Variants in GFPT2 observed in about 807,000 individuals in gnomAD.
GFPT2 encodes glutamine--fructose-6-phosphate aminotransferase [isomerizing] 2.
GFPT2 carries 62 observed loss-of-function variants against 85.6 expected under a neutral mutation model. The observed-to-expected ratio is 0.72, with a 90% CI of 0.59 to 0.90. The LOEUF (loss-of-function observed/expected upper bound fraction) is 0.90. GFPT2 is among the 40% of genes least tolerant of loss of function. The pLI, the probability that GFPT2 is intolerant of heterozygous loss-of-function variation, is 0.00. For synonymous variants in GFPT2, 368 were observed against 344.5 expected (o/e 1.07, Z -0.75); for missense variants, 788 against 893.4 (o/e 0.88, Z 1.50).
intron 1 of GFPT2, among the ~76,000 whole-genome samples, chr5:180,347,388 G>A (rs1487881055): frequency 1.3e-5 from 2 of 152,182 alleles, no homozygotes; most frequent in Non-Finnish European, 2.9e-5. Context: ...TGTGCCCTGT[G>A]GTCACCCACC....
At chr5:180,321,055 T>A (rs1024352329) in intron 9 of GFPT2, among the ~76,000 whole-genome samples, 8 of 152,270 alleles carry the variant, frequency 5.3e-5, no homozygotes, top group Non-Finnish European at 1.0e-4. Context: ...AGTGTACAAA[T>A]AACTTCGTAT....
Position 180,316,790 on chromosome 5 carries a change from C to G in GFPT2, c.1126G>C (p.Gly376Arg), listed in dbSNP as rs551996108. Reference sequence around the variant, plus strand: ...GCCACGGCAGCGTGGTAGCTGGTTCCACAGCCAATCACGATGAGCCGTCGG... The same window carrying G: ...GCCACGGCAGCGTGGTAGCTGGTTCGACAGCCAATCACGATGAGCCGTCGG... ...RCRRLIVIGCGTSYHAAVATR... is the reference protein window; with the variant it reads ...RCRRLIVIGCRTSYHAAVATR... The change falls in exon 12 of 19, where the codon GGA becomes CGA. Residue 376 changes from glycine (G) to arginine (R), a missense_variant. Physicochemically the swap from Gly to Arg is moderately radical, Grantham distance 125. Transcript: ENST00000253778. 1 of 1,613,706 alleles carries G rather than the reference C, an allele frequency of 6.2e-7. No homozygotes were observed. Among genetic ancestry groups the G allele is most frequent in the South Asian group, 1.1e-5 (1 of 91,050 alleles).
At chr5:180,315,080 T>C (rs1465418050) in intron 13 of GFPT2, among the ~76,000 whole-genome samples, 1 of 152,136 alleles carries the variant, frequency 6.6e-6, no homozygotes, top group Non-Finnish European at 1.5e-5. Flanking sequence ...GTATTTAAAA[T>C]GGAAAATGGC....
At position 180,330,207 on chromosome 5, in the gene GFPT2, G is replaced by A. The variant is rs1561880032; in HGVS notation, c.534+493C>T. Among the ~76,000 whole-genome samples the A allele has an allele frequency of 6.6e-6, 1 of 152,162 alleles. No homozygotes were observed. The stretch of plus-strand genomic sequence containing the variant: ...GTGGTGGTGCGTGCCTGTAGTCTCA[G>A]CTAACTCAGGAGGCTGAGGCAGGAG... On this transcript the variant is annotated intron_variant, in intron 6 of 18. Coordinates refer to ENST00000253778, the MANE Select transcript of GFPT2 (RefSeq NM_005110.4). The surrounding 1 kb of genome is among the most constrained non-coding windows in gnomAD (Gnocchi z 4.4).
At chr5:180,339,051 C>T (rs1053048952) in intron 1 of GFPT2, among the ~76,000 whole-genome samples, 1 of 152,138 alleles carries the variant, frequency 6.6e-6, no homozygotes, top group African/African-American at 2.4e-5. Context: ...CTTCCACGGT[C>T]CCCTTCTCCG....
Position 180,331,556 on chromosome 5 carries a change from G to C in GFPT2, c.341-3C>G, listed in dbSNP as rs1764301083. The C allele has an allele frequency of 6.5e-7, 1 of 1,549,510 alleles. No individual in the cohort carries two copies. Among genetic ancestry groups the C allele is most frequent in the Admixed American group, 1.7e-5 (1 of 59,894 alleles). ...CCCATTGTGGATGACAACAAATTCT[G>C]AAAGAAAAGTTAAGAGAGAAATGCT... is the stretch of plus-strand genomic sequence containing the variant. On this transcript the variant is annotated splice_region_variant and splice_polypyrimidine_tract_variant and intron_variant, in intron 4 of 18. Coordinates refer to ENST00000253778, the MANE Select transcript of GFPT2 (RefSeq NM_005110.4).
At chr5:180,316,199 G>T (rs1764004981) in intron 13 of GFPT2, 142 bp downstream of exon 13, 1 of 787,570 alleles carries the variant, frequency 1.3e-6, no homozygotes, top group Non-Finnish European at 2.0e-6. Flanking sequence ...GTAATCCATG[G>T]CTCTACGGGT....
At chr5:180,334,582 G>C (rs1318645362) in intron 4 of GFPT2, among the ~76,000 whole-genome samples, 1 of 152,226 alleles carries the variant, frequency 6.6e-6, no homozygotes, top group African/African-American at 2.4e-5. Flanking sequence ...GATGTATTTG[G>C]TCCTATCTAA....
At chr5:180,316,101 C>T (rs58821651) in intron 13 of GFPT2, among the ~76,000 whole-genome samples, 4 of 152,300 alleles carry the variant, frequency 2.6e-5, no homozygotes, top group African/African-American at 9.6e-5. Flanking sequence ...GAAAGACTAA[C>T]GTGCGTGGAT....
chr5:180,340,992 C>G (rs1016564350), intron 1 of GFPT2, among the ~76,000 whole-genome samples: 2 of 152,116 alleles, frequency 1.3e-5, no homozygotes, highest in Non-Finnish European at 2.9e-5. Context: ...CTGAGAAGTC[C>G]CTGTGGGCCG....
intron 16 of GFPT2, 88 bp downstream of exon 16, chr5:180,307,088 C>T: frequency 8.7e-7 from 1 of 1,149,822 alleles, no homozygotes; most frequent in Non-Finnish European, 1.3e-6. Context: ...CCTCCCCAAG[C>T]CCAACGCCCT....
chr5:180,302,333 T>C, intron 18 of GFPT2, 90 bp downstream of exon 18: 1 of 901,386 alleles, frequency 1.1e-6, no homozygotes, highest in Non-Finnish European at 1.7e-6. Context: ...ATTTACTCTA[T>C]GACTATTTAC....
chr5:180,316,268 T>C (rs1581373779), intron 13 of GFPT2, 73 bp downstream of exon 13: 4 of 1,518,896 alleles, frequency 2.6e-6, no homozygotes, highest in Admixed American at 3.5e-5. Flanking sequence ...AGGACTTAAC[T>C]GAATGAAGGA....
intron 9 of GFPT2, 77 bp downstream of exon 9, chr5:180,324,111 A>G (rs3828686): frequency 0.22 from 185,841 of 828,562 alleles, 26,657 homozygotes; most frequent in African/African-American, 0.54. Flanking sequence ...GGAAGGATGA[A>G]TAAGAACCGG....
Position 180,323,574 on chromosome 5 carries a change from C to CT in GFPT2, c.794+613dup, listed in dbSNP as rs770525118. 6.0e-3 allele frequency among the ~76,000 whole-genome samples: 889 copies of CT among 148,388 alleles called. 2 individuals are homozygous for CT. Among genetic ancestry groups the CT allele is most frequent in the Middle Eastern group, 0.014 (4 of 282 alleles). ...TGTGTGTGTGTGAGTGTGTGTATAA[C>CT]TTTTTTTTTTTCTGAAATGAGTATA... is the stretch of plus-strand genomic sequence containing the variant. On this transcript the variant is annotated intron_variant, in intron 9 of 18. Transcript: ENST00000253778. The surrounding 1 kb of genome is among the most constrained non-coding windows in gnomAD (Gnocchi z 4.0).
At chr5:180,304,575 G>A (rs184421560) in intron 17 of GFPT2, among the ~76,000 whole-genome samples, 197 bp downstream of exon 17, 3 of 152,248 alleles carry the variant, frequency 2.0e-5, no homozygotes, top group Admixed American at 1.3e-4. Context: ...CCACCAAAGA[G>A]CTGTGTGGGA....
Position 180,324,329 on chromosome 5 carries a change from C to G in GFPT2, c.677-24G>C, listed in dbSNP as rs767173524. ...GCCTAGCAAATGGAGGAATGGGTTG[C>G]AAATCCCACTGGGATGTTTTGTTTG... is the stretch of plus-strand genomic sequence containing the variant. On this transcript the variant is annotated intron_variant, in intron 8 of 18. Coordinates refer to ENST00000253778, the MANE Select transcript of GFPT2 (RefSeq NM_005110.4). 1.0e-5 allele frequency: 13 copies of G among 1,250,846 alleles called. No individual in the cohort carries two copies. The Admixed American group carries it at 2.4e-4, about 23-fold the overall frequency. 77.5% of individuals were successfully genotyped at this position (1,250,846 alleles called of 1,614,324 possible). A position where few individuals can be genotyped will look rare whatever the true frequency, so the allele number is the denominator to read the frequency against.
chr5:180,315,944 G>C (rs1029705171), intron 13 of GFPT2, among the ~76,000 whole-genome samples: 22 of 152,226 alleles, frequency 1.4e-4, no homozygotes, highest in African/African-American at 4.8e-4. Context: ...AGCCCATACT[G>C]GGTCCTCCAC....
intron 11 of GFPT2, 29 bp from the exon 12 acceptor site, chr5:180,316,890 C>T: frequency 6.3e-7 from 1 of 1,584,372 alleles, no homozygotes; most frequent in South Asian, 1.1e-5. Context: ...GGCGTTAATG[C>T]TGAGTCTACA....
Sources: allele counts gnomAD v4.1 joint callset (sites outside exome capture counted in the v4.1 genomes callset), GRCh38; gene constraint gnomAD v4.1.1; non-coding constraint Gnocchi (gnomAD v3.1); transcripts MANE v1.5; gene names NCBI Gene and HGNC (gene_info 2026-07-23, HGNC 2026-07-21).